XIRP2: variants seen among roughly 807,000 people sequenced by gnomAD.
XIRP2 encodes xin actin binding repeat containing 2.
A neutral mutation model predicts 277.0 loss-of-function variants in XIRP2; 236 were observed. That is an observed-to-expected ratio of 0.85 (90% CI 0.77 to 0.95). The LOEUF (loss-of-function observed/expected upper bound fraction) is 0.95. Ranked by LOEUF, XIRP2 falls within the 40% of genes least tolerant of loss-of-function variation. The pLI is 0.00. For missense variants in XIRP2, 4,640 were observed against 4,157.5 expected (o/e 1.12, Z -3.19); for synonymous variants, 1,490 against 1,416.5 (o/e 1.05, Z -1.17).
chr2:167,017,125 C>A (rs539028556), intron 2 of XIRP2, among the ~76,000 whole-genome samples: 1 of 151,996 alleles, frequency 6.6e-6, no homozygotes, highest in South Asian at 2.1e-4. Flanking sequence ...TTAGTTCCTC[C>A]ATTGTTTCTG....
intron 2 of XIRP2, among the ~76,000 whole-genome samples, chr2:166,964,374 A>G (rs1379792794): frequency 6.6e-6 from 1 of 151,868 alleles, no homozygotes; most frequent in Non-Finnish European, 1.5e-5. Flanking sequence ...TCTGTTTGTC[A>G]TAAGATTAGG....
intron 2 of XIRP2, among the ~76,000 whole-genome samples, chr2:167,064,313 A>T (rs1046487528): frequency 2.0e-5 from 3 of 151,840 alleles, no homozygotes; most frequent in African/African-American, 7.2e-5. Context: ...TACAATATAC[A>T]TCTTTAACCT....
intron 3 of XIRP2, among the ~76,000 whole-genome samples, chr2:167,170,502 T>C (rs1467551484): frequency 6.6e-6 from 1 of 152,192 alleles, no homozygotes; most frequent in Admixed American, 6.5e-5. Context: ...TAGAGCTATT[T>C]GTATATTTTA....
intron 2 of XIRP2, among the ~76,000 whole-genome samples, chr2:166,909,478 C>T (rs1327185122): frequency 2.6e-5 from 4 of 152,172 alleles, no homozygotes; most frequent in Non-Finnish European, 5.9e-5. Flanking sequence ...TATCCTGAGA[C>T]TTTGCTGAAG....
intron 2 of XIRP2, among the ~76,000 whole-genome samples, chr2:166,975,019 G>A (rs1426555301): frequency 1.3e-5 from 2 of 152,044 alleles, no homozygotes; most frequent in African/African-American, 4.8e-5. Flanking sequence ...TTCAAGACAA[G>A]AAATGTTTCC....
At chr2:167,016,270 C>A (rs554043974) in intron 2 of XIRP2, among the ~76,000 whole-genome samples, 3 of 151,944 alleles carry the variant, frequency 2.0e-5, no homozygotes, top group South Asian at 2.1e-4. Context: ...TTATCCATTT[C>A]TCTTCATCCT....
intron 2 of XIRP2, among the ~76,000 whole-genome samples, chr2:167,059,445 T>G (rs1416296759): frequency 7.6e-6 from 1 of 130,724 alleles, no homozygotes; most frequent in African/African-American, 3.0e-5. Flanking sequence ...GATTAACATG[T>G]GGAAAAAAAT....
intron 2 of XIRP2, among the ~76,000 whole-genome samples, chr2:166,986,129 C>T (rs779623752): frequency 3.9e-5 from 6 of 152,146 alleles, no homozygotes; most frequent in Non-Finnish European, 7.3e-5. Context: ...GAAATAAGGG[C>T]GCCACTTCAT....
chr2:167,241,851 G>T lies in XIRP2; in HGVS notation c.1117G>T (p.Ala373Ser). ...KLLKEQFEKSAQEKILYSDKE... is the reference protein window; with the variant it reads ...KLLKEQFEKSSQEKILYSDKE... ...GTTAAAAGAGCAGTTTGAAAAGTCT[G>T]CCCAGGAAAAGATCCTTTATTCTGA... Residue 373 changes from alanine to serine, a missense_variant, in exon 8 of 11, where the codon GCC becomes TCC. Physicochemically the swap from Ala to Ser is moderately conservative, Grantham distance 99. Transcript: ENST00000409195. The T allele has an allele frequency of 2.5e-6, 4 of 1,613,550 alleles. No individual in the cohort carries two copies. In the Admixed American group the frequency reaches 6.7e-5, roughly 27 times the overall value.
chr2:167,011,838 A>G (rs1687687836), intron 2 of XIRP2, among the ~76,000 whole-genome samples: 2 of 152,170 alleles, frequency 1.3e-5, no homozygotes, highest in South Asian at 2.1e-4. Flanking sequence ...CATTTCTCCT[A>G]GATTTTCTAG....
chr2:166,957,815 A>G (rs771440102), intron 2 of XIRP2, among the ~76,000 whole-genome samples: 4 of 151,792 alleles, frequency 2.6e-5, no homozygotes, highest in Non-Finnish European at 5.9e-5. Flanking sequence ...ATTGATTTTC[A>G]CGTTAATCAT....
intron 2 of XIRP2, among the ~76,000 whole-genome samples, chr2:167,123,507 T>TG (rs1256678026): frequency 7.8e-5 from 7 of 89,360 alleles, no homozygotes; most frequent in African/African-American, 6.3e-4. Flanking sequence ...AACTTTTTTT[T>TG]GTTTTGTTTT....
intron 2 of XIRP2, among the ~76,000 whole-genome samples, chr2:167,053,577 A>T (rs946798105): frequency 6.6e-6 from 1 of 152,164 alleles, no homozygotes; most frequent in Non-Finnish European, 1.5e-5. Flanking sequence ...ACTAAGTGCA[A>T]ATTCTGTCCA....
At chr2:166,898,304 C>G (rs76128091) in intron 1 of XIRP2, among the ~76,000 whole-genome samples, 1 of 152,032 alleles carries the variant, frequency 6.6e-6, no homozygotes, top group East Asian at 1.9e-4. Flanking sequence ...ACTGAGAGGT[C>G]GTAGATTAAA....
At chr2:167,082,137 T>C (rs915595141) in intron 2 of XIRP2, among the ~76,000 whole-genome samples, 2 of 141,992 alleles carry the variant, frequency 1.4e-5, no homozygotes, top group African/African-American at 5.2e-5. Context: ...GATATTCCCC[T>C]TCCTGTGTCC....
intron 2 of XIRP2, among the ~76,000 whole-genome samples, chr2:166,972,825 T>C (rs1026546564): frequency 1.3e-5 from 2 of 152,166 alleles, no homozygotes; most frequent in Non-Finnish European, 2.9e-5. Flanking sequence ...AGATTCCAGG[T>C]ATAGCTAGTG....
chr2:167,009,123 T>C (rs1687589849), intron 2 of XIRP2, among the ~76,000 whole-genome samples: 1 of 151,852 alleles, frequency 6.6e-6, no homozygotes. Flanking sequence ...GCAGGTTAGT[T>C]ACATATGTAT....
chr2:167,014,737 T>C (rs924664609), intron 2 of XIRP2, among the ~76,000 whole-genome samples: 1 of 151,818 alleles, frequency 6.6e-6, no homozygotes, highest in Non-Finnish European at 1.5e-5. Flanking sequence ...GCAGTAGCAA[T>C]GATAGCTAAC....
intron 3 of XIRP2, among the ~76,000 whole-genome samples, chr2:167,136,418 G>T (rs1004279975): frequency 1.3e-5 from 2 of 152,006 alleles, no homozygotes; most frequent in African/African-American, 4.8e-5. Context: ...GGTAACAAAA[G>T]AATAAACTAG....
Sources: gnomAD v4.1 joint callset for allele counts (sites outside exome capture counted in the v4.1 genomes callset) on GRCh38, gnomAD v4.1.1 for gene constraint, MANE v1.5 for transcripts, NCBI Gene and HGNC (gene_info 2026-07-23, HGNC 2026-07-21) for gene names.